Variants in BMPR2 observed in about 807,000 individuals in gnomAD.
BMPR2 encodes the protein bone morphogenetic protein receptor type-2.
BMPR2 carries 29 observed loss-of-function variants against 100.8 expected under a neutral mutation model. The observed-to-expected ratio is 0.29, with a 90% CI of 0.21 to 0.39. BMPR2 has a LOEUF of 0.39. BMPR2 is among the 10% of genes least tolerant of loss of function. The pLI is 1.00. For missense variants in BMPR2, 1,011 were observed against 1,274.5 expected (o/e 0.79, Z 3.15); for synonymous variants, 382 against 442.3 (o/e 0.86, Z 1.71).
chr2:202,436,463 A>G lies in BMPR2; in HGVS notation c.77-28346A>G, dbSNP rs180682026. Among the ~76,000 whole-genome samples, 211 of 150,476 alleles carry G rather than the reference A, an allele frequency of 1.4e-3. 3 individuals carry two copies. The highest frequency in any genetic ancestry group is 1.9e-3 in the South Asian group (9 of 4,804). ...CCTGTCTCAAGAAAAAAAAACAACA[A>G]CAGCAGCAACAAAAAAACCCACAAA... On this transcript the variant is annotated intron_variant, in intron 1 of 12. Coordinates refer to ENST00000374580, the MANE Select transcript of BMPR2 (RefSeq NM_001204.7).
chr2:202,385,723 A>G (rs1690414601), intron 1 of BMPR2, among the ~76,000 whole-genome samples: 2 of 74,830 alleles, frequency 2.7e-5, no homozygotes, highest in African/African-American at 5.2e-5. Context: ...TCTATTAATT[A>G]TATCTGTTTT....
Position 202,555,531 on chromosome 2 carries a change from A to C in BMPR2, c.1866A>C (p.Pro622=). The change falls in exon 12 of 13, where the codon CCA becomes CCC. Residue 622 remains proline (P), a synonymous_variant. Coordinates refer to ENST00000374580, the MANE Select transcript of BMPR2 (RefSeq NM_001204.7). ...TTTTNTTGLT[P]STGMTTISEM... ...CCACAAACACCACAGGACTCACGCC[A>C]AGTACTGGCATGACTACTATATCTG... 6.2e-7 allele frequency: 1 copy of C among 1,614,192 alleles called. No individual in the cohort carries two copies. Among genetic ancestry groups the C allele is most frequent in the Non-Finnish European group, 8.5e-7 (1 of 1,180,042 alleles).
In BMPR2 at chr2:202,393,886, A is replaced by C. The variant is rs544792289; in HGVS notation, c.76+16336A>C. Among the ~76,000 whole-genome samples the C allele has an allele frequency of 7.9e-4, 32 of 40,570 alleles. 1 individual carries two copies. The South Asian group carries it at 0.017, about 21-fold the overall frequency. The allele number at this position is 40,570 out of a possible 152,430, so 26.6% of individuals were successfully genotyped here. A position where few individuals can be genotyped will look rare whatever the true frequency, so the allele number is the denominator to read the frequency against. On this transcript the variant is annotated intron_variant, in intron 1 of 12. Coordinates refer to ENST00000374580, the MANE Select transcript of BMPR2 (RefSeq NM_001204.7). Reference sequence around the variant, plus strand: ...CTAATTAAGGTAATGAGAGAGCGAGAGAGAGAGAGAGAGAGAGAGAGAGAG... The same window carrying C: ...CTAATTAAGGTAATGAGAGAGCGAGCGAGAGAGAGAGAGAGAGAGAGAGAG...
intron 1 of BMPR2, among the ~76,000 whole-genome samples, chr2:202,400,340 A>G (rs1690746665): frequency 1.3e-5 from 2 of 148,892 alleles, no homozygotes; most frequent in African/African-American, 4.9e-5. Flanking sequence ...GGTAGAGACA[A>G]CGTCTCGCTA....
chr2:202,530,698 G>A, intron 7 of BMPR2, 96 bp from the exon 8 acceptor site: 2 of 1,116,320 alleles, frequency 1.8e-6, no homozygotes, highest in Admixed American at 2.5e-5. Context: ...AAATTAATGG[G>A]CAGAAAAATA....
intron 3 of BMPR2, among the ~76,000 whole-genome samples, chr2:202,499,872 G>T (rs1687342600): frequency 6.6e-6 from 1 of 152,204 alleles, no homozygotes. Context: ...AAACCTTGGT[G>T]GTTCAGAGAG....
At chr2:202,468,954 A>ACTTC (rs1692377998) in intron 3 of BMPR2, among the ~76,000 whole-genome samples, 1 of 152,224 alleles carries the variant, frequency 6.6e-6, no homozygotes, top group Non-Finnish European at 1.5e-5. Context: ...AAGGAATGAG[A>ACTTC]CAGAAAGAAT....
At chr2:202,501,620 G>A (rs1050378066) in intron 3 of BMPR2, among the ~76,000 whole-genome samples, 4 of 152,232 alleles carry the variant, frequency 2.6e-5, no homozygotes, top group African/African-American at 9.6e-5. Context: ...GGTAGTTGCA[G>A]CAGTGGCCAT....
Position 202,556,301 on chromosome 2 carries a change from A to T in BMPR2, c.2636A>T (p.His879Leu). The change falls in exon 12 of 13, where the codon CAT becomes CTT. Residue 879 changes from histidine (H) to leucine (L), a missense_variant. By Grantham distance (99) the His-to-Leu change is moderately conservative (BLOSUM62 -3). Around this residue, in one of 6 missense-constraint regions of BMPR2, gnomAD observed 508 missense variants for 552.0 expected, o/e 0.92. Coordinates refer to ENST00000374580, the MANE Select transcript of BMPR2 (RefSeq NM_001204.7). ...PLLRREQQAG[H>L]DEGVLDRLVD... is the part of the protein sequence containing the mutation. ...CTGAGACGAGAGCAACAAGCTGGCCATGATGAAGGTGTTCTGGATCGTCTT... is the reference window on the plus strand; with the variant it reads ...CTGAGACGAGAGCAACAAGCTGGCCTTGATGAAGGTGTTCTGGATCGTCTT... 6.2e-7 allele frequency: 1 copy of T among 1,614,244 alleles called. No homozygotes were observed. Among genetic ancestry groups the T allele is most frequent in the Non-Finnish European group, 8.5e-7 (1 of 1,180,038 alleles).
Position 202,555,459 on chromosome 2 carries a change from C to G in BMPR2, c.1794C>G (p.Ile598Met), listed in dbSNP as rs1419101522. ...AACGACAGCAAGCACAAGCTCGAAT[C>G]CCCAGCCCTGAAACAAGTGTCACCA... ...NYERQQAQAR[I>M]PSPETSVTSL... The change falls in exon 12 of 13, where the codon ATC becomes ATG. Residue 598 changes from isoleucine to methionine, a missense_variant. Ile to Met is a conservative substitution (Grantham distance 10, BLOSUM62 1). Coordinates refer to ENST00000374580, the MANE Select transcript of BMPR2 (RefSeq NM_001204.7). 6.2e-7 allele frequency: 1 copy of G among 1,613,998 alleles called. No homozygotes were observed. Among genetic ancestry groups the G allele is most frequent in the African/African-American group, 1.3e-5 (1 of 74,916 alleles).
intron 1 of BMPR2, among the ~76,000 whole-genome samples, chr2:202,418,111 A>T (rs1272315969): frequency 2.0e-5 from 3 of 152,134 alleles, no homozygotes; most frequent in African/African-American, 7.2e-5. Flanking sequence ...CAAAGAATTC[A>T]TGTGATTTGC....
intron 10 of BMPR2, among the ~76,000 whole-genome samples, chr2:202,550,316 T>G (rs929206745): frequency 7.0e-5 from 10 of 143,166 alleles, no homozygotes; most frequent in Non-Finnish European, 1.3e-4. Flanking sequence ...GAGCTTGCAG[T>G]GAGCCGAGAT....
chr2:202,487,066 TA>T (rs141083001), intron 3 of BMPR2, among the ~76,000 whole-genome samples: 30 of 152,116 alleles, frequency 2.0e-4, no homozygotes, highest in East Asian at 7.7e-4. Flanking sequence ...TTTTTATTAA[TA>T]AAAAAATGCC....
chr2:202,458,662 T>A (rs1263028737), intron 1 of BMPR2, among the ~76,000 whole-genome samples: 1 of 150,730 alleles, frequency 6.6e-6, no homozygotes, highest in Non-Finnish European at 1.5e-5. Flanking sequence ...GTGCACATTT[T>A]TCTTTATTCA....
rs181448845 is a variant in BMPR2, at chr2:202,389,882, C to T, written c.76+12332C>T. On this transcript the variant is annotated intron_variant, in intron 1 of 12. Transcript: ENST00000374580. The stretch of plus-strand genomic sequence containing the variant: ...CTCGAACTCCTGACCTCAGGTGATC[C>T]GCCCGCCTCAGCCTCCCAAAGTGCT... 4.5e-3 allele frequency among the ~76,000 whole-genome samples: 688 copies of T among 151,816 alleles called. 3 individuals carry two copies. The highest frequency in any genetic ancestry group is 0.016 in the East Asian group (81 of 5,140).
intron 12 of BMPR2, among the ~76,000 whole-genome samples, chr2:202,557,464 AACACACACACACACACACACACACAC>A (rs138065331): frequency 1.8e-4 from 23 of 125,444 alleles, no homozygotes; most frequent in Middle Eastern, 4.0e-3. Context: ...CTCTGTCTCA[AACACACACACACACACACACACACAC>A]ACACACACAC....
At position 202,520,129 on chromosome 2, in the gene BMPR2, G is replaced by C. The variant is rs145418964; in HGVS notation, c.895G>C (p.Val299Leu). 1.2e-6 allele frequency: 2 copies of C among 1,613,516 alleles called. No homozygotes were observed. The highest frequency in any genetic ancestry group is 8.5e-7 in the Non-Finnish European group (1 of 1,179,924). ...KYLSLHTSDW[V>L]SSCRLAHSVT... ...TTTAAGTCTCCACACAAGTGACTGG[G>C]TAAGCTCTTGCCGTCTTGCTCATTC... The change falls in exon 7 of 13, where the codon GTA (valine) becomes CTA (leucine). Residue 299 changes from valine (V) to leucine (L), a missense_variant. Coordinates refer to ENST00000374580, the MANE Select transcript of BMPR2 (RefSeq NM_001204.7).
At chr2:202,428,267 C>A (rs899110088) in intron 1 of BMPR2, among the ~76,000 whole-genome samples, 2 of 152,112 alleles carry the variant, frequency 1.3e-5, no homozygotes, top group Non-Finnish European at 2.9e-5. Context: ...TCTCTCTCTA[C>A]ACACTGCCAG....
At chr2:202,453,315 A>C (rs1157973290) in intron 1 of BMPR2, among the ~76,000 whole-genome samples, 1 of 151,980 alleles carries the variant, frequency 6.6e-6, no homozygotes. Flanking sequence ...CTAAGTATAT[A>C]CCCAAAAGGA....
Sources: gnomAD v4.1 joint callset for allele counts (sites outside exome capture counted in the v4.1 genomes callset) on GRCh38, gnomAD v4.1.1 for gene constraint, gnomAD v4.1.1 regional missense constraint, MANE v1.5 for transcripts, NCBI Gene and HGNC (gene_info 2026-07-23, HGNC 2026-07-21) for gene names.